Variants in MGAM observed in about 807,000 individuals in gnomAD.
MGAM encodes maltase-glucoamylase.
A neutral mutation model predicts 358.8 loss-of-function variants in MGAM; 253 were observed. That is an observed-to-expected ratio of 0.71 (90% CI 0.64 to 0.78). The LOEUF is 0.78. Among genes scored for constraint, MGAM ranks in the 30% least tolerant of loss-of-function variants. The probability of loss-of-function intolerance (pLI) is 0.00; values close to 1 mark genes in which losing one functional copy is unlikely to be tolerated. For synonymous variants in MGAM, 1,105 were observed against 1,227.1 expected, an observed-to-expected ratio of 0.90 and a Z score of 2.08; for missense variants, 3,080 against 3,432.6, an observed-to-expected ratio of 0.90 and a Z score of 2.57.
rs1294511650 is a variant in MGAM at position 142,067,954 on chromosome 7, A to G, written c.5004+529A>G. 7.2e-4 allele frequency among the ~76,000 whole-genome samples: 27 copies of G among 37,584 alleles called. 6 individuals are homozygous for G. Among genetic ancestry groups the G allele is most frequent in the Middle Eastern group, 0.011 (1 of 92 alleles). 24.7% of individuals were successfully genotyped at this position (37,584 alleles called of 152,430 possible). A position where few individuals can be genotyped will look rare whatever the true frequency, so the allele number is the denominator to read the frequency against. The stretch of plus-strand genomic sequence containing the variant: ...CCCTCAAATATATATATATATATAT[A>G]TATATATATAAATATATATATATAT... On this transcript the variant is annotated intron_variant, in intron 42 of 70. Coordinates refer to ENST00000475668, the MANE Select transcript of MGAM (RefSeq NM_001365693.1).
chr7:142,041,473 C>T (rs1221762422), intron 21 of MGAM, among the ~76,000 whole-genome samples: 3 of 152,034 alleles, frequency 2.0e-5, no homozygotes, highest in African/African-American at 7.2e-5. Context: ...CTTTTTCTAA[C>T]TGTTCACCTT....
Position 142,094,464 on chromosome 7 carries a change from G to A in MGAM, c.7273G>A (p.Ala2425Thr), listed in dbSNP as rs751467226. The change falls in exon 61 of 71, where the codon GCC becomes ACC. Residue 2425 changes from alanine (A) to threonine (T), a missense_variant. By Grantham distance (58) the Ala-to-Thr change is moderately conservative (BLOSUM62 0). Coordinates refer to ENST00000475668, the MANE Select transcript of MGAM (RefSeq NM_001365693.1). ...AGGACATTGGCTGGGAGACAACACA[G>A]CCGCGTGGGATCAGCTGAAGAAGTC... is the stretch of plus-strand genomic sequence containing the variant. Reference protein sequence around the residue: ...WAGHWLGDNTAAWDQLKKSII... With the variant: ...WAGHWLGDNTTAWDQLKKSII... 11 of 1,534,900 alleles carry A rather than the reference G, an allele frequency of 7.2e-6. No homozygotes were observed. The highest frequency in any genetic ancestry group is 7.1e-6 in the Non-Finnish European group (8 of 1,121,584).
At chr7:142,005,379 A>G in intron 1 of MGAM, 150 bp from the exon 2 acceptor site, 1 of 558,616 alleles carries the variant, frequency 1.8e-6, no homozygotes, top group Non-Finnish European at 3.0e-6. Flanking sequence ...TGAATTGGCC[A>G]TGAGCTGATA....
At chr7:142,059,256 T>G (rs559641191) in intron 31 of MGAM, among the ~76,000 whole-genome samples, 2 of 152,336 alleles carry the variant, frequency 1.3e-5, no homozygotes, top group South Asian at 4.1e-4. Context: ...TCATCCTAGC[T>G]TGTGCTGACT....
chr7:142,022,127 G>C lies in MGAM; in HGVS notation c.711-141G>C, dbSNP rs185032208. 25 of 786,946 alleles carry C rather than the reference G, an allele frequency of 3.2e-5. No homozygotes were observed. The East Asian group carries it at 4.7e-4, about 15-fold the overall frequency. The allele number at this position is 786,946 out of a possible 1,614,324, so 48.7% of individuals were successfully genotyped here. ...GAGTCCTTATCTCTTGTTTTCCATA[G>C]AAAAATGTCACAGGAGGGCAAATGG... On this transcript the variant is annotated intron_variant, in intron 6 of 70. Coordinates refer to ENST00000475668, the MANE Select transcript of MGAM (RefSeq NM_001365693.1).
intron 35 of MGAM, 126 bp downstream of exon 35, chr7:142,062,828 C>G (rs996830712): frequency 1.4e-6 from 2 of 1,465,802 alleles, no homozygotes; most frequent in Admixed American, 2.3e-5. Context: ...ACATAGCAGA[C>G]ACTTCTTCCT....
chr7:142,034,513 A>G, intron 15 of MGAM, 134 bp downstream of exon 15: 1 of 966,314 alleles, frequency 1.0e-6, no homozygotes, highest in South Asian at 1.7e-5. Flanking sequence ...ACATTTAATG[A>G]TACAGAATGC....
chr7:142,100,244 A>G (rs937350672), intron 67 of MGAM, among the ~76,000 whole-genome samples: 4 of 152,168 alleles, frequency 2.6e-5, no homozygotes, highest in Non-Finnish European at 5.9e-5. Context: ...CAAAAGGAAA[A>G]CATAAATTCT....
At chr7:142,046,091 T>C (rs1357126698) in intron 21 of MGAM, among the ~76,000 whole-genome samples, 1 of 127,236 alleles carries the variant, frequency 7.9e-6, no homozygotes, top group Admixed American at 8.7e-5. Context: ...TTTATATGTG[T>C]AATTATATAT....
At position 142,022,407 on chromosome 7, in the gene MGAM, C is replaced by G; in HGVS notation, c.850C>G (p.Pro284Ala). 1 of 1,613,536 alleles carries G rather than the reference C, an allele frequency of 6.2e-7. No homozygotes were observed. The highest frequency in any genetic ancestry group is 1.3e-5 in the African/African-American group (1 of 74,988). Residue 284 changes from proline (P) to alanine (A), a missense_variant, in exon 7 of 71, where the codon CCC becomes GCC. Transcript: ENST00000475668. ...YRHDMNWKTW[P>A]IFNRDTTPNG... Reference sequence around the variant, plus strand: ...GCATGATATGAATTGGAAGACCTGGCCCATATTTAACAGAGACACAACTCC... The same window carrying G: ...GCATGATATGAATTGGAAGACCTGGGCCATATTTAACAGAGACACAACTCC...
intron 21 of MGAM, among the ~76,000 whole-genome samples, chr7:142,045,176 AT>A (rs1235410691): frequency 4.5e-4 from 39 of 86,066 alleles, no homozygotes; most frequent in African/African-American, 9.9e-4. Context: ...TATATATTAT[AT>A]AACATATATG....
intron 63 of MGAM, 133 bp downstream of exon 63, chr7:142,094,996 A>T: frequency 1.1e-6 from 1 of 872,774 alleles, no homozygotes; most frequent in Non-Finnish European, 1.7e-6. Context: ...ACAAAGACTC[A>T]TTCTATTGCC....
At chr7:142,031,631 T>A (rs951314988) in intron 12 of MGAM, 49 bp from the exon 13 acceptor site, 2 of 1,282,770 alleles carry the variant, frequency 1.6e-6, no homozygotes, top group Non-Finnish European at 1.1e-6. Flanking sequence ...TCCTTTAGTC[T>A]ATATTTGTTT....
In MGAM at chr7:142,084,560, G is replaced by C. The variant is rs751571861; in HGVS notation, c.6423G>C (p.Gly2141=). The part of the protein sequence containing the change: ...RPVMVPYWSL[G]FQLCRYGYQN... The stretch of plus-strand genomic sequence containing the variant: ...TGATGGTACCTTACTGGTCTTTGGG[G>C]TTCCAGCTGTGTCGCTATGGCTACC... Residue 2141 remains glycine, a synonymous_variant, in exon 54 of 71, where the codon GGG becomes GGC. Transcript: ENST00000475668. 2 of 1,555,850 alleles carry C rather than the reference G, an allele frequency of 1.3e-6. No individual in the cohort carries two copies. Among genetic ancestry groups the C allele is most frequent in the African/African-American group, 1.3e-5 (1 of 74,468 alleles).
In MGAM at chr7:142,094,265, G is replaced by A. The variant is rs1425883350; in HGVS notation, c.7173-99G>A. On this transcript the variant is annotated intron_variant, in intron 60 of 70. Coordinates refer to ENST00000475668, the MANE Select transcript of MGAM (RefSeq NM_001365693.1). ...GTCCCGTGTTCCCTCCAATCACGCA[G>A]CAAACATTGACTAGGCTCAAGGGCT... The A allele has an allele frequency of 2.2e-6, 3 of 1,367,160 alleles. 1 individual carries two copies. The highest frequency in any genetic ancestry group is 3.0e-6 in the Non-Finnish European group (3 of 997,444). The allele number at this position is 1,367,160 out of a possible 1,614,324, so 84.7% of individuals were successfully genotyped here.
chr7:142,013,837 A>G (rs1805780079), intron 3 of MGAM, among the ~76,000 whole-genome samples: 1 of 152,160 alleles, frequency 6.6e-6, no homozygotes, highest in South Asian at 2.1e-4. Context: ...TTTTCCTGTA[A>G]CAGTAGGAAT....
At chr7:142,010,635 C>A (rs376408768) in intron 3 of MGAM, among the ~76,000 whole-genome samples, 2 of 152,066 alleles carry the variant, frequency 1.3e-5, no homozygotes, top group Non-Finnish European at 2.9e-5. Flanking sequence ...CTATCCATTC[C>A]GTTACATGTG....
At chr7:142,103,660 C>T (rs1816621713) in intron 70 of MGAM, among the ~76,000 whole-genome samples, 1 of 152,092 alleles carries the variant, frequency 6.6e-6, no homozygotes, top group Non-Finnish European at 1.5e-5. Context: ...CCATGTTTGT[C>T]TTCTTGTCTG....
At chr7:141,991,158 G>A (rs953783943), upstream of MGAM, among the ~76,000 whole-genome samples, 1 of 152,166 alleles carries the variant, frequency 6.6e-6, no homozygotes, top group African/African-American at 2.4e-5. Context: ...ACTGCATAGC[G>A]TAGTTACCAG....
Sources: allele counts gnomAD v4.1 joint callset (sites outside exome capture counted in the v4.1 genomes callset), GRCh38; gene constraint gnomAD v4.1.1; transcripts MANE v1.5; gene names NCBI Gene and HGNC (gene_info 2026-07-23, HGNC 2026-07-21).